CENPP: variants seen among roughly 807,000 people sequenced by gnomAD.
CENPP encodes the protein centromere protein P.
Under a neutral mutation model 35.6 loss-of-function variants are expected in CENPP, and 24 were observed. The ratio of observed to expected loss-of-function variants is 0.67; its 90% CI spans 0.49 to 0.95. The LOEUF is 0.95. Among genes scored for constraint, CENPP ranks in the 40% least tolerant of loss-of-function variants. CENPP has a pLI of 0.00. For synonymous variants in CENPP, 120 were observed against 125.5 expected (o/e 0.96, Z 0.29); for missense variants, 332 against 345.3 (o/e 0.96, Z 0.31).
rs191549900 is a variant in CENPP, at chr9:92,406,411, A to G, written c.564+26552A>G. On this transcript the variant is annotated intron_variant, in intron 5 of 7. Transcript: ENST00000375587. ...GATTTTTAAGCCAGTGATGGCTTAA[A>G]TATGATCCTGTTTGCATTTTAGAAA... Among the ~76,000 whole-genome samples the G allele has an allele frequency of 1.1e-4, 16 of 152,338 alleles. No individual in the cohort carries two copies. In the East Asian group the frequency reaches 1.2e-3, roughly 11 times the overall value.
intron 5 of CENPP, among the ~76,000 whole-genome samples, chr9:92,590,837 T>C (rs1192169353): frequency 6.6e-6 from 1 of 152,236 alleles, no homozygotes; most frequent in Non-Finnish European, 1.5e-5. Context: ...ATATAACTAA[T>C]ATCTGCATGT....
chr9:92,396,506 TC>T (rs1278374465), intron 5 of CENPP, among the ~76,000 whole-genome samples: 1 of 152,048 alleles, frequency 6.6e-6, no homozygotes, highest in Non-Finnish European at 1.5e-5. Flanking sequence ...TATATATAGG[TC>T]TTCTTTATTT....
intron 4 of CENPP, among the ~76,000 whole-genome samples, chr9:92,366,218 G>A (rs1841886366): frequency 6.7e-6 from 1 of 150,028 alleles, no homozygotes; most frequent in African/African-American, 2.5e-5. Context: ...CCAGGGTTCT[G>A]TCCCATTCTA....
intron 5 of CENPP, chr9:92,416,944 G>A: frequency 1.2e-6 from 2 of 1,613,950 alleles, no homozygotes; most frequent in Non-Finnish European, 8.5e-7. Context: ...CAAAGATTTT[G>A]TCTTTTAGCA....
At chr9:92,507,375 A>G (rs1396092123) in intron 5 of CENPP, among the ~76,000 whole-genome samples, 3 of 152,276 alleles carry the variant, frequency 2.0e-5, no homozygotes, top group Non-Finnish European at 4.4e-5. Context: ...TGAAAAATAG[A>G]TAACAGAAAT....
At chr9:92,505,424 A>C in intron 5 of CENPP, 1 of 995,270 alleles carries the variant, frequency 1.0e-6, no homozygotes, top group Non-Finnish European at 1.5e-6. Flanking sequence ...TGTATACAGC[A>C]TGAAACTAGA....
At chr9:92,492,138 T>C (rs1012926258) in intron 5 of CENPP, among the ~76,000 whole-genome samples, 3 of 152,224 alleles carry the variant, frequency 2.0e-5, no homozygotes, top group African/African-American at 7.2e-5. Context: ...CCTAAATTAG[T>C]AAAATTAGAG....
At chr9:92,411,133 C>T (rs957835430) in intron 5 of CENPP, among the ~76,000 whole-genome samples, 8 of 152,044 alleles carry the variant, frequency 5.3e-5, no homozygotes, top group Middle Eastern at 3.2e-3. Flanking sequence ...CCACCACGCC[C>T]AGCTACTTTT....
chr9:92,611,484 A>ATC, intron 6 of CENPP, 91 bp downstream of exon 6: 1 of 977,848 alleles, frequency 1.0e-6, no homozygotes, highest in Non-Finnish European at 1.5e-6. Flanking sequence ...TAAGTAGTAA[A>ATC]CTACCTAACC....
intron 5 of CENPP, chr9:92,403,588 A>T (rs1843207758): frequency 8.1e-7 from 1 of 1,228,464 alleles, no homozygotes; most frequent in African/African-American, 1.6e-5. Context: ...ACCCTTAGTG[A>T]TCTTTAATTA....
intron 5 of CENPP, among the ~76,000 whole-genome samples, chr9:92,437,053 T>A (rs1844262486): frequency 6.6e-6 from 1 of 152,116 alleles, no homozygotes; most frequent in African/African-American, 2.4e-5. Context: ...TACAAAAAAA[T>A]TAGCCGGGCA....
intron 5 of CENPP, among the ~76,000 whole-genome samples, chr9:92,571,232 G>C (rs530510717): frequency 1.9e-3 from 282 of 151,906 alleles, no homozygotes; most frequent in Non-Finnish European, 3.4e-3. Context: ...TATAAATTTC[G>C]CTCTACACAC....
intron 5 of CENPP, among the ~76,000 whole-genome samples, chr9:92,391,370 G>C (rs536546557): frequency 6.6e-6 from 1 of 152,090 alleles, no homozygotes; most frequent in African/African-American, 2.4e-5. Flanking sequence ...TGGTGCCACT[G>C]CACTCCAGCC....
At chr9:92,516,718 T>C (rs1847746962) in intron 5 of CENPP, 1 of 152,264 alleles carries the variant, frequency 6.6e-6, no homozygotes, top group Non-Finnish European at 1.5e-5. Flanking sequence ...ACTCTTACTT[T>C]GTAAACCTTG....
At chr9:92,373,103 G>T (rs1025763258) in intron 4 of CENPP, among the ~76,000 whole-genome samples, 4 of 151,954 alleles carry the variant, frequency 2.6e-5, no homozygotes, top group African/African-American at 9.7e-5. Flanking sequence ...ACTTCATGTT[G>T]TCCCAAATGT....
At chr9:92,326,737 A>G (rs1017957694) in intron 1 of CENPP, among the ~76,000 whole-genome samples, 16 of 152,190 alleles carry the variant, frequency 1.1e-4, no homozygotes, top group African/African-American at 3.9e-4. Context: ...AAGTCTGGGC[A>G]CTTTTGGTTT....
chr9:92,617,913 G>A lies in CENPP; in HGVS notation c.*4764G>A, dbSNP rs1288801869. 3.7e-6 allele frequency: 1 copy of A among 272,850 alleles called. No homozygotes were observed. Among genetic ancestry groups the A allele is most frequent in the Non-Finnish European group, 7.2e-6 (1 of 138,590 alleles). 16.9% of individuals were successfully genotyped at this position (272,850 alleles called of 1,614,324 possible). A position where few individuals can be genotyped will look rare whatever the true frequency, so the allele number is the denominator to read the frequency against. On this transcript the variant is annotated 3_prime_UTR_variant, in exon 8 of 8. Coordinates refer to ENST00000375587, the MANE Select transcript of CENPP (RefSeq NM_001012267.3). Reference sequence around the variant, plus strand: ...GGGCAGAAACAGTAGTGCAGAGCTGGAGAAGCCTTTATTTTAGGGGGTGTA... The same window carrying A: ...GGGCAGAAACAGTAGTGCAGAGCTGAAGAAGCCTTTATTTTAGGGGGTGTA...
intron 5 of CENPP, among the ~76,000 whole-genome samples, chr9:92,533,464 T>TATTA (rs1848986083): frequency 6.6e-6 from 1 of 150,534 alleles, no homozygotes; most frequent in African/African-American, 2.4e-5. Flanking sequence ...TTTAAAACTC[T>TATTA]ATTAATCTTC....
chr9:92,616,727 G>A lies in CENPP; in HGVS notation c.*3578G>A, dbSNP rs1457215185. The A allele has an allele frequency of 6.6e-6, 1 of 152,290 alleles. No individual in the cohort carries two copies. Among genetic ancestry groups the A allele is most frequent in the Admixed American group, 6.5e-5 (1 of 15,278 alleles). The allele number at this position is 152,290 out of a possible 1,614,324, so 9.4% of individuals were successfully genotyped here. On this transcript the variant is annotated 3_prime_UTR_variant, in exon 8 of 8. Coordinates refer to ENST00000375587, the MANE Select transcript of CENPP (RefSeq NM_001012267.3). Reference sequence around the variant, plus strand: ...TATAACAAGATGTGATTAATTATTTGCCCTGAAAAACACATTTAGGATTAC... The same window carrying A: ...TATAACAAGATGTGATTAATTATTTACCCTGAAAAACACATTTAGGATTAC...
Sources: gnomAD v4.1 joint callset for allele counts (sites outside exome capture counted in the v4.1 genomes callset) on GRCh38, gnomAD v4.1.1 for gene constraint, MANE v1.5 for transcripts, NCBI Gene and HGNC (gene_info 2026-07-23, HGNC 2026-07-21) for gene names.